SLC39A9: variants seen among roughly 807,000 people sequenced by gnomAD.
SLC39A9 encodes the protein solute carrier family 39 member 9.
A neutral mutation model predicts 28.4 loss-of-function variants in SLC39A9; 14 were observed. That is an observed-to-expected ratio of 0.49 (90% CI 0.33 to 0.77). SLC39A9 has a LOEUF of 0.77. Ranked by LOEUF, SLC39A9 falls within the 30% of genes least tolerant of loss-of-function variation. The pLI is 0.02. For missense variants in SLC39A9, 283 were observed against 381.1 expected (o/e 0.74, Z 2.14); for synonymous variants, 119 against 149.6 (o/e 0.80, Z 1.49).
chr14:69,452,745 G>A (rs920567561), intron 3 of SLC39A9, among the ~76,000 whole-genome samples: 2 of 152,124 alleles, frequency 1.3e-5, no homozygotes, highest in African/African-American at 2.4e-5. Context: ...GAAAATTTAG[G>A]TTAGGGTGAT....
intron 2 of SLC39A9, among the ~76,000 whole-genome samples, chr14:69,441,547 G>A (rs576525423): frequency 6.6e-6 from 1 of 152,072 alleles, no homozygotes; most frequent in South Asian, 2.1e-4. Flanking sequence ...TGCCCTTTTG[G>A]TTTCTTGCTG....
chr14:69,418,010 T>G, intron 1 of SLC39A9, among the ~76,000 whole-genome samples: 1 of 152,300 alleles, frequency 6.6e-6, no homozygotes, highest in East Asian at 1.9e-4. Context: ...CTATGTTGAA[T>G]GGGAACGGTA....
At chr14:69,423,664 G>A (rs960527206) in intron 1 of SLC39A9, among the ~76,000 whole-genome samples, 11 of 152,082 alleles carry the variant, frequency 7.2e-5, no homozygotes, top group East Asian at 5.8e-4. Context: ...CTGGGAGACC[G>A]AAGCGGGCGG....
At chr14:69,412,026 C>T (rs1883295218) in intron 1 of SLC39A9, among the ~76,000 whole-genome samples, 1 of 151,914 alleles carries the variant, frequency 6.6e-6, no homozygotes, top group Non-Finnish European at 1.5e-5. Flanking sequence ...CGTGATCCGC[C>T]TGCCTCAACC....
chr14:69,454,900 A>T lies in SLC39A9; in HGVS notation c.558+3A>T, dbSNP rs1379910412. The T allele has an allele frequency of 3.1e-6, 5 of 1,612,044 alleles. No individual in the cohort carries two copies. Among genetic ancestry groups the T allele is most frequent in the Non-Finnish European group, 4.2e-6 (5 of 1,178,834 alleles). ...TTGTGGCAATCATGCTACATAAGGTAAGCAACATTTTGGTGTAAGGTTTGG... is the reference window on the plus strand; with the variant it reads ...TTGTGGCAATCATGCTACATAAGGTTAGCAACATTTTGGTGTAAGGTTTGG... On this transcript the variant is annotated splice_donor_region_variant and intron_variant, in intron 5 of 6. Coordinates refer to ENST00000336643, the MANE Select transcript of SLC39A9 (RefSeq NM_018375.5).
chr14:69,460,010 A>G lies in SLC39A9; in HGVS notation c.*1417A>G. 1 of 985,156 alleles carries G rather than the reference A, an allele frequency of 1.0e-6. No individual in the cohort carries two copies. The highest frequency in any genetic ancestry group is 1.2e-6 in the Non-Finnish European group (1 of 829,246). 61.0% of individuals were successfully genotyped at this position (985,156 alleles called of 1,614,324 possible). ...TAATCTGGTAATTTAAACAATTGAGATAGCAAAAGTGTTTAACAGACTAGG... is the reference window on the plus strand; with the variant it reads ...TAATCTGGTAATTTAAACAATTGAGGTAGCAAAAGTGTTTAACAGACTAGG... On this transcript the variant is annotated 3_prime_UTR_variant, in exon 7 of 7. Coordinates refer to ENST00000336643, the MANE Select transcript of SLC39A9 (RefSeq NM_018375.5).
chr14:69,448,222 A>AT (rs1386001265), intron 3 of SLC39A9, among the ~76,000 whole-genome samples: 1 of 150,730 alleles, frequency 6.6e-6, no homozygotes, highest in Non-Finnish European at 1.5e-5. Context: ...CTCAAAAAAA[A>AT]AAAAAAAAAA....
intron 2 of SLC39A9, among the ~76,000 whole-genome samples, chr14:69,434,255 T>G (rs1884637392): frequency 6.6e-6 from 1 of 151,744 alleles, no homozygotes; most frequent in African/African-American, 2.4e-5. Flanking sequence ...TGCTAATTTT[T>G]GTATTTTTAG....
intron 3 of SLC39A9, among the ~76,000 whole-genome samples, chr14:69,445,075 A>T (rs958160607): frequency 6.6e-6 from 1 of 152,196 alleles, no homozygotes; most frequent in African/African-American, 2.4e-5. Context: ...AAAAAATGTA[A>T]TGATCATCTA....
chr14:69,398,738 C>G lies in SLC39A9; in HGVS notation c.-632C>G, dbSNP rs952863949. 3 of 220,476 alleles carry G rather than the reference C, an allele frequency of 1.4e-5. No individual in the cohort carries two copies. Among genetic ancestry groups the G allele is most frequent in the South Asian group, 5.2e-5 (1 of 19,214 alleles). 13.7% of individuals were successfully genotyped at this position (220,476 alleles called of 1,614,324 possible). ...CATGGCAGCTGTAGTATCGGCGACT[C>G]CGGGTCAAGGCCCGGTCGAGTGCAG... On this transcript the variant is annotated 5_prime_UTR_variant, in exon 1 of 7. Coordinates refer to ENST00000336643, the MANE Select transcript of SLC39A9 (RefSeq NM_018375.5).
At chr14:69,424,632 A>C (rs1884091995) in intron 2 of SLC39A9, among the ~76,000 whole-genome samples, 1 of 152,166 alleles carries the variant, frequency 6.6e-6, no homozygotes, top group African/African-American at 2.4e-5. Flanking sequence ...GAAAAAATTA[A>C]AGAGGCCTTT....
intron 1 of SLC39A9, among the ~76,000 whole-genome samples, chr14:69,409,830 C>G (rs922447638): frequency 3.9e-5 from 6 of 152,162 alleles, no homozygotes; most frequent in South Asian, 2.1e-4. Flanking sequence ...CATGAATGTT[C>G]TTCAGAAGGT....
intron 4 of SLC39A9, among the ~76,000 whole-genome samples, chr14:69,454,382 G>A (rs1048421225): frequency 1.3e-4 from 20 of 152,142 alleles, no homozygotes; most frequent in African/African-American, 4.8e-4. Flanking sequence ...CAATCCTCCT[G>A]CCTCAGCCTC....
chr14:69,406,851 T>G (rs1289333338), intron 1 of SLC39A9, among the ~76,000 whole-genome samples: 1 of 134,382 alleles, frequency 7.4e-6, no homozygotes, highest in Non-Finnish European at 1.6e-5. Flanking sequence ...ATTCTTTGTT[T>G]TTTTTTTTTT....
At chr14:69,399,950 A>G (rs915768963) in intron 1 of SLC39A9, among the ~76,000 whole-genome samples, 4 of 152,178 alleles carry the variant, frequency 2.6e-5, no homozygotes, top group African/African-American at 9.7e-5. Context: ...CTTTGTCCCT[A>G]CAAATGAGGC....
In SLC39A9 at chr14:69,399,343, G is replaced by A. The variant is rs1882490802; in HGVS notation, c.-27G>A. ...AGCCACTGGAAATTTGTTGTCTAGT[G>A]GTTGTGGGTGAATAAAGGAGGGCAG... On this transcript the variant is annotated 5_prime_UTR_variant, in exon 1 of 7. Coordinates refer to ENST00000336643, the MANE Select transcript of SLC39A9 (RefSeq NM_018375.5). 1.9e-6 allele frequency: 3 copies of A among 1,603,486 alleles called. No homozygotes were observed. In the African/African-American group the frequency reaches 4.0e-5, roughly 21 times the overall value.
intron 3 of SLC39A9, among the ~76,000 whole-genome samples, chr14:69,443,769 T>G (rs777902080): frequency 3.5e-4 from 53 of 152,142 alleles, no homozygotes; most frequent in Non-Finnish European, 5.0e-4. Context: ...ACTGGGGGAC[T>G]GAGGCGGGAG....
chr14:69,459,555 T>C lies in SLC39A9; in HGVS notation c.*962T>C. 1.1e-6 allele frequency: 1 copy of C among 941,970 alleles called. No homozygotes were observed. Among genetic ancestry groups the C allele is most frequent in the South Asian group, 5.1e-5 (1 of 19,562 alleles). The allele number at this position is 941,970 out of a possible 1,614,324, so 58.4% of individuals were successfully genotyped here. On this transcript the variant is annotated 3_prime_UTR_variant, in exon 7 of 7. Transcript: ENST00000336643. ...AAAATGTATGGTTGTCCTTTTTTTT[T>C]GTTTTTTTTTTTTTTAATTATTTCT...
In SLC39A9 at chr14:69,415,558, G is replaced by C. The variant is rs372979995; in HGVS notation, c.97-8536G>C. The stretch of plus-strand genomic sequence containing the variant: ...TCATGGAGTCTGTTCTGCCTCCCAA[G>C]CCAGTACCCCAACCACTGGAATACT... On this transcript the variant is annotated intron_variant, in intron 1 of 6. Transcript: ENST00000336643. 3.0e-4 allele frequency among the ~76,000 whole-genome samples: 45 copies of C among 152,234 alleles called. 1 individual carries two copies. The East Asian group carries it at 7.9e-3, about 27-fold the overall frequency.
Sources: gnomAD v4.1 joint callset for allele counts (sites outside exome capture counted in the v4.1 genomes callset) on GRCh38, gnomAD v4.1.1 for gene constraint, MANE v1.5 for transcripts, NCBI Gene and HGNC (gene_info 2026-07-23, HGNC 2026-07-21) for gene names.